The following MBP variants were observed in gnomAD, a reference collection of about 807,000 sequenced individuals.
The protein encoded by MBP is myelin basic protein, also known as Golli-MBP.
Under a neutral mutation model 35.8 loss-of-function variants are expected in MBP, and 16 were observed. That is an observed-to-expected ratio of 0.45 (90% CI 0.30 to 0.68). The LOEUF is 0.68. Ranked by LOEUF, MBP falls within the 30% of genes least tolerant of loss-of-function variation. The probability of loss-of-function intolerance (pLI) is 0.08; values close to 1 mark genes in which losing one functional copy is unlikely to be tolerated. For missense variants in MBP, 380 were observed against 404.7 expected, an observed-to-expected ratio of 0.94 and a Z score of 0.52; for synonymous variants, 143 against 159.6, an observed-to-expected ratio of 0.90 and a Z score of 0.78.
At chr18:77,116,979 G>A (rs1380723995) in intron 1 of MBP, among the ~76,000 whole-genome samples, 1 of 152,202 alleles carries the variant, frequency 6.6e-6, no homozygotes, top group African/African-American at 2.4e-5. Flanking sequence ...TGGCTGCTAC[G>A]TGGTTTGTGA....
At chr18:77,015,542 TGAATTCCATTA>T in intron 4 of MBP, 4 of 985,450 alleles carry the variant, frequency 4.1e-6, no homozygotes, top group Non-Finnish European at 4.8e-6. Flanking sequence ...AGCCAGAATA[TGAATTCCATTA>T]GTATCTAAGA....
At chr18:77,063,571 CAGATATGCG>C (rs1974072085) in intron 3 of MBP, among the ~76,000 whole-genome samples, 1 of 152,214 alleles carries the variant, frequency 6.6e-6, no homozygotes, top group South Asian at 2.1e-4. Context: ...GTTCATTCGG[CAGATATGCG>C]AGCCTTGCTC....
rs989334211 is a variant in MBP, at chr18:77,044,546, C to A, written c.139+21752G>T. Among the ~76,000 whole-genome samples the A allele has an allele frequency of 3.9e-5, 6 of 152,228 alleles. No individual in the cohort carries two copies. Among genetic ancestry groups the A allele is most frequent in the Non-Finnish European group, 8.8e-5 (6 of 68,022 alleles). ...GGAAAGCCCTCTCCAGGGCCCTCGG[C>A]CTCGCTGTCTCACATCACTCGCCTC... On this transcript the variant is annotated intron_variant, in intron 3 of 8. Transcript: ENST00000355994. This position sits in a 1 kb window ranked among gnomAD's most constrained non-coding sequence, Gnocchi z 4.4.
At chr18:76,984,943 C>A (rs199560335) in intron 7 of MBP, 49 bp from the exon 8 acceptor site, 1 of 1,605,316 alleles carries the variant, frequency 6.2e-7, no homozygotes, top group Non-Finnish European at 8.5e-7. Flanking sequence ...GTGCTGGGCA[C>A]GCTGCTTGAG....
At chr18:77,018,103 A>G (rs1034684462) in intron 3 of MBP, among the ~76,000 whole-genome samples, 16 of 152,124 alleles carry the variant, frequency 1.1e-4, no homozygotes, top group African/African-American at 2.4e-4. Flanking sequence ...TCATCCATCT[A>G]TCTCTCTATC....
chr18:76,989,730 G>A lies in MBP; in HGVS notation c.681+226C>T. On this transcript the variant is annotated intron_variant, in intron 5 of 8. Coordinates refer to ENST00000355994, the MANE Select transcript of MBP (RefSeq NM_001025101.2). This position sits in a 1 kb window ranked among gnomAD's most constrained non-coding sequence, Gnocchi z 4.0. ...TAATCTCAAGAGAAGTGAGCTCTCTGGAGAACGCACGGAGCGCACGGTGCA... is the reference window on the plus strand; with the variant it reads ...TAATCTCAAGAGAAGTGAGCTCTCTAGAGAACGCACGGAGCGCACGGTGCA... 1 of 518,484 alleles carries A rather than the reference G, an allele frequency of 1.9e-6. No individual in the cohort carries two copies. The highest frequency in any genetic ancestry group is 3.5e-6 in the Non-Finnish European group (1 of 288,502). 32.1% of individuals were successfully genotyped at this position (518,484 alleles called of 1,614,324 possible).
At chr18:76,990,854 G>A (rs1202564835) in intron 4 of MBP, 2 of 280,410 alleles carry the variant, frequency 7.1e-6, no homozygotes, top group South Asian at 2.7e-5. Flanking sequence ...TGGCAGCAGC[G>A]GGTTTGGGTG....
intron 3 of MBP, among the ~76,000 whole-genome samples, chr18:77,060,826 A>T (rs1568318834): frequency 6.6e-6 from 1 of 152,210 alleles, no homozygotes; most frequent in Non-Finnish European, 1.5e-5. Context: ...AGGAGGAAAC[A>T]GGCACAGAGA....
chr18:77,084,431 CCACACACACA>C (rs60010988), intron 2 of MBP, among the ~76,000 whole-genome samples: 1 of 105,886 alleles, frequency 9.4e-6, no homozygotes, highest in African/African-American at 3.5e-5. Context: ...CCACACCACA[CCACACACACA>C]CACACACACA....
At chr18:77,082,753 A>T (rs7234544) in intron 2 of MBP, among the ~76,000 whole-genome samples, 2,547 of 49,544 alleles carry the variant, frequency 0.051, 2 homozygotes, top group South Asian at 0.081. Flanking sequence ...TCCTCCCTGC[A>T]GCAGCAGCTG....
At chr18:77,019,040 CCAT>C (rs1272809736) in intron 3 of MBP, among the ~76,000 whole-genome samples, 2 of 39,468 alleles carry the variant, frequency 5.1e-5, no homozygotes, top group African/African-American at 1.4e-4. Flanking sequence ...GTTCATCCAT[CCAT>C]CCATCCATCC....
intron 4 of MBP, among the ~76,000 whole-genome samples, chr18:76,998,315 G>A (rs1190488599): frequency 7.8e-6 from 1 of 127,506 alleles, no homozygotes; most frequent in African/African-American, 3.1e-5. Flanking sequence ...GGCGCCCCGT[G>A]CTGCGGCCCC....
chr18:77,037,615 G>A (rs1414562480), intron 3 of MBP, among the ~76,000 whole-genome samples: 1 of 152,242 alleles, frequency 6.6e-6, no homozygotes, highest in Non-Finnish European at 1.5e-5. Context: ...CTTCCAAGCT[G>A]ACCAGTTTTG....
At chr18:77,072,155 G>GCCTCC (rs1437696747) in intron 2 of MBP, among the ~76,000 whole-genome samples, 1 of 152,018 alleles carries the variant, frequency 6.6e-6, no homozygotes, top group Non-Finnish European at 1.5e-5. Flanking sequence ...ACACCCCTCC[G>GCCTCC]CCTCCCCTCC....
At chr18:77,129,998 G>A (rs950211423) in intron 1 of MBP, among the ~76,000 whole-genome samples, 67 of 148,130 alleles carry the variant, frequency 4.5e-4, no homozygotes, top group African/African-American at 1.7e-3. Flanking sequence ...GCAGTGAGCC[G>A]AGATTGCACC....
chr18:77,118,328 C>T (rs961223291), intron 1 of MBP, among the ~76,000 whole-genome samples: 1 of 151,908 alleles, frequency 6.6e-6, no homozygotes, highest in Non-Finnish European at 1.5e-5. Flanking sequence ...TCTCTCTGAG[C>T]TCCACCCACC....
intron 2 of MBP, among the ~76,000 whole-genome samples, chr18:77,094,071 G>A (rs1489749519): frequency 6.6e-6 from 1 of 151,824 alleles, no homozygotes; most frequent in African/African-American, 2.4e-5. Context: ...CCACCTCCTG[G>A]GTTCAAGTGA....
chr18:77,023,976 C>T (rs772622557), intron 3 of MBP, among the ~76,000 whole-genome samples: 12 of 152,208 alleles, frequency 7.9e-5, no homozygotes, highest in Admixed American at 1.3e-4. Flanking sequence ...AAGCATTGAA[C>T]GTTTGCTAAT....
intron 3 of MBP, among the ~76,000 whole-genome samples, chr18:77,045,899 G>A (rs1228991224): frequency 1.3e-5 from 2 of 152,170 alleles, no homozygotes; most frequent in African/African-American, 2.4e-5. Flanking sequence ...TAGCACAGCC[G>A]CGAGGTGAGT....
Sources: allele counts gnomAD v4.1 joint callset (sites outside exome capture counted in the v4.1 genomes callset), GRCh38; gene constraint gnomAD v4.1.1; non-coding constraint Gnocchi (gnomAD v3.1); transcripts MANE v1.5; gene names NCBI Gene and HGNC (gene_info 2026-07-23, HGNC 2026-07-21).